Variants in CGNL1 observed in about 807,000 individuals in gnomAD.
CGNL1 encodes the protein cingulin like 1.
CGNL1 carries 132 observed loss-of-function variants against 141.2 expected under a neutral mutation model. The observed-to-expected ratio is 0.93, with a 90% CI of 0.81 to 1.08. The LOEUF is 1.08. Among genes scored for constraint, CGNL1 ranks in the 50% least tolerant of loss-of-function variants. CGNL1 has a pLI of 0.00. For missense variants in CGNL1, 1,870 were observed against 1,588.6 expected, an observed-to-expected ratio of 1.18 and a Z score of -3.01; for synonymous variants, 690 against 622.1, an observed-to-expected ratio of 1.11 and a Z score of -1.63.
intron 10 of CGNL1, among the ~76,000 whole-genome samples, chr15:57,521,427 T>G (rs1419237306): frequency 6.6e-6 from 1 of 152,194 alleles, no homozygotes; most frequent in African/African-American, 2.4e-5. Context: ...GATTCTAACA[T>G]AAGAAGCCTT....
chr15:57,451,627 T>G, intron 5 of CGNL1, 26 bp downstream of exon 5: 1 of 1,513,278 alleles, frequency 6.6e-7, no homozygotes, highest in African/African-American at 1.4e-5. Context: ...TTTATGTTAT[T>G]TTTTCCATTT....
intron 1 of CGNL1, among the ~76,000 whole-genome samples, chr15:57,388,834 A>G (rs1303337615): frequency 2.0e-5 from 3 of 152,208 alleles, no homozygotes; most frequent in Admixed American, 6.5e-5. Flanking sequence ...AGATTGTTGG[A>G]AAGACTTCAT....
chr15:57,546,130 A>G lies in CGNL1; in HGVS notation c.3664A>G (p.Ile1222Val). 2 of 1,614,050 alleles carry G rather than the reference A, an allele frequency of 1.2e-6. No homozygotes were observed. Among genetic ancestry groups the G allele is most frequent in the Non-Finnish European group, 1.7e-6 (2 of 1,180,004 alleles). The stretch of plus-strand genomic sequence containing the variant: ...GCAGGTGGAGGAGGCTGAGGAGGAA[A>G]TCGACAGACTGGAAAGTTCTAAAAA... The part of the protein sequence containing the change: ...KRQVEEAEEE[I>V]DRLESSKKKL... The change falls in exon 18 of 19, where the codon ATC becomes GTC. Residue 1222 changes from isoleucine to valine, a missense_variant. Transcript: ENST00000281282.
chr15:57,516,881 G>A lies in CGNL1; in HGVS notation c.2505G>A (p.Gln835=). Residue 835 remains glutamine, a synonymous_variant, in exon 9 of 19, where the codon CAG becomes CAA. Transcript: ENST00000281282. ...KLLQEENEKL[Q]GRSEELERRV... is the part of the protein sequence containing the mutation. ...TGCAGGAGGAGAATGAGAAGCTGCA[G>A]GGAAGAAGCGAAGAGCTGGAGCGGA... 6.2e-7 allele frequency: 1 copy of A among 1,614,158 alleles called. No individual in the cohort carries two copies. The highest frequency in any genetic ancestry group is 8.5e-7 in the Non-Finnish European group (1 of 1,180,028).
intron 8 of CGNL1, among the ~76,000 whole-genome samples, chr15:57,473,896 CTTCTTTTTTT>C (rs1242214254): frequency 1.5e-4 from 17 of 110,110 alleles, no homozygotes; most frequent in East Asian, 7.2e-4. Flanking sequence ...TCTTCTTCTT[CTTCTTTTTTT>C]TTTTTTTTTT....
intron 1 of CGNL1, among the ~76,000 whole-genome samples, chr15:57,392,279 T>C (rs2062552458): frequency 6.6e-6 from 1 of 152,156 alleles, no homozygotes; most frequent in African/African-American, 2.4e-5. Context: ...AGGGGCATTA[T>C]CTGAGACATG....
At chr15:57,481,281 T>C (rs1666580) in intron 8 of CGNL1, among the ~76,000 whole-genome samples, 1 of 152,144 alleles carries the variant, frequency 6.6e-6, no homozygotes, top group South Asian at 2.1e-4. Flanking sequence ...AGCTGAGATA[T>C]AGAACATTTA....
chr15:57,474,876 G>A (rs1322145925), intron 8 of CGNL1, among the ~76,000 whole-genome samples: 1 of 152,192 alleles, frequency 6.6e-6, no homozygotes, highest in African/African-American at 2.4e-5. Context: ...CATGTACAGT[G>A]AAATAAGAGT....
At chr15:57,383,294 T>TTTTTTTTTTTTG (rs1229073442) in intron 1 of CGNL1, among the ~76,000 whole-genome samples, 12 of 132,898 alleles carry the variant, frequency 9.0e-5, no homozygotes, top group African/African-American at 3.5e-4. Context: ...CTTTCTTCCT[T>TTTTTTTTTTTTG]TTTTTTTTTT....
intron 1 of CGNL1, among the ~76,000 whole-genome samples, chr15:57,388,319 TAAAG>T (rs2062505699): frequency 6.6e-6 from 1 of 152,104 alleles, no homozygotes; most frequent in Admixed American, 6.5e-5. Flanking sequence ...AAAGCTAAAA[TAAAG>T]AAAATTCTAG....
At chr15:57,382,637 C>T (rs959807439) in intron 1 of CGNL1, among the ~76,000 whole-genome samples, 1 of 152,200 alleles carries the variant, frequency 6.6e-6, no homozygotes, top group African/African-American at 2.4e-5. Flanking sequence ...CAAGAATTCT[C>T]TTGTTTTTGA....
rs552470942 is a variant in CGNL1, at chr15:57,442,548, C to T, written c.1803+70C>T. On this transcript the variant is annotated intron_variant, in intron 4 of 18. Coordinates refer to ENST00000281282, the MANE Select transcript of CGNL1 (RefSeq NM_032866.5). Reference sequence around the variant, plus strand: ...TGTGGTAAACAACTTGCTGTTTCTTCAGTCTGTATGTTTGTTTATAGCAGT... The same window carrying T: ...TGTGGTAAACAACTTGCTGTTTCTTTAGTCTGTATGTTTGTTTATAGCAGT... The T allele has an allele frequency of 7.4e-5, 70 of 949,766 alleles. 2 individuals carry two copies. In the South Asian group the frequency reaches 9.2e-4, roughly 12 times the overall value. 58.8% of individuals were successfully genotyped at this position (949,766 alleles called of 1,614,324 possible).
At chr15:57,467,686 C>CTTTT (rs140789370) in intron 8 of CGNL1, among the ~76,000 whole-genome samples, 3 of 107,428 alleles carry the variant, frequency 2.8e-5, no homozygotes, top group Non-Finnish European at 3.7e-5. Flanking sequence ...GAGTCTCTGT[C>CTTTT]TTTTTTTTTT....
rs576118015 is a variant in CGNL1, at chr15:57,445,999, T to G, written c.1803+3521T>G. On this transcript the variant is annotated intron_variant, in intron 4 of 18. Coordinates refer to ENST00000281282, the MANE Select transcript of CGNL1 (RefSeq NM_032866.5). Reference sequence around the variant, plus strand: ...TCTAAAAGGAGAAAGCCAATTTAGCTAACATACACTTATTTACTACTTGCA... The same window carrying G: ...TCTAAAAGGAGAAAGCCAATTTAGCGAACATACACTTATTTACTACTTGCA... Among the ~76,000 whole-genome samples the G allele has an allele frequency of 1.1e-4, 16 of 152,310 alleles. No homozygotes were observed. The East Asian group carries it at 2.9e-3, about 28-fold the overall frequency.
intron 1 of CGNL1, among the ~76,000 whole-genome samples, chr15:57,420,799 C>A (rs538005503): frequency 6.6e-6 from 1 of 152,324 alleles, no homozygotes; most frequent in East Asian, 1.9e-4. Flanking sequence ...AAGATAAAGA[C>A]TCAGCCATTA....
At chr15:57,543,395 G>A (rs1200845433) in intron 14 of CGNL1, among the ~76,000 whole-genome samples, 3 of 152,120 alleles carry the variant, frequency 2.0e-5, no homozygotes, top group Admixed American at 6.5e-5. Flanking sequence ...ATAAGGTCAC[G>A]GCAGAGGTAC....
chr15:57,483,468 C>CTTTTTTTTTTT (rs60667956), intron 8 of CGNL1, among the ~76,000 whole-genome samples: 3 of 127,806 alleles, frequency 2.3e-5, no homozygotes, highest in Non-Finnish European at 3.3e-5. Flanking sequence ...ACAAAGTTTT[C>CTTTTTTTTTTT]TTTTTTTTTT....
At chr15:57,505,657 A>G (rs1344756717) in intron 8 of CGNL1, among the ~76,000 whole-genome samples, 1 of 152,198 alleles carries the variant, frequency 6.6e-6, no homozygotes, top group South Asian at 2.1e-4. Flanking sequence ...GTCTTGGCCC[A>G]GGCTCTTGCC....
In CGNL1 at chr15:57,529,559, AACACACACACACAC is replaced by A. The variant is rs10593466; in HGVS notation, c.3201+781_3201+794del. On this transcript the variant is annotated intron_variant, in intron 13 of 18. Transcript: ENST00000281282. The stretch of plus-strand genomic sequence containing the variant: ...CTTAGGAGCAAAACTAACCCCCAGA[AACACACACACACAC>A]ACACACACACACACACACACACACA... Among the ~76,000 whole-genome samples the A allele has an allele frequency of 8.7e-3, 1,195 of 137,884 alleles. 9 individuals are homozygous for A. The highest frequency in any genetic ancestry group is 0.023 in the East Asian group (107 of 4,654). The allele number at this position is 137,884 out of a possible 152,430, so 90.5% of individuals were successfully genotyped here. A position where few individuals can be genotyped will look rare whatever the true frequency, so the allele number is the denominator to read the frequency against.
Sources: allele counts gnomAD v4.1 joint callset (sites outside exome capture counted in the v4.1 genomes callset), GRCh38; gene constraint gnomAD v4.1.1; transcripts MANE v1.5; gene names NCBI Gene and HGNC (gene_info 2026-07-23, HGNC 2026-07-21).